NALF1: variants seen among roughly 807,000 people sequenced by gnomAD.
NALF1 encodes the protein NALCN channel auxiliary factor 1, also known as family with sequence similarity 155 member A.
In NALF1, 3 loss-of-function variants were observed where a neutral mutation model predicts 48.4. That is an observed-to-expected ratio of 0.06 (90% confidence interval 0.03 to 0.16). The LOEUF (loss-of-function observed/expected upper bound fraction) is 0.16, where lower values mean the gene tolerates loss of function less well. NALF1 is among the 10% of genes least tolerant of loss of function. The pLI is 1.00. For missense variants in NALF1, 526 were observed against 571.5 expected, an observed-to-expected ratio of 0.92 and a Z score of 0.81; for synonymous variants, 262 against 245.7, an observed-to-expected ratio of 1.07 and a Z score of -0.62.
chr13:107,595,725 T>G (rs140644460), intron 1 of NALF1, among the ~76,000 whole-genome samples: 1 of 152,156 alleles, frequency 6.6e-6, no homozygotes, highest in Admixed American at 6.6e-5. Context: ...TCTGTGACCA[T>G]GAGTGATGGA....
chr13:107,503,614 G>A (rs1875593738), intron 1 of NALF1, among the ~76,000 whole-genome samples: 1 of 152,076 alleles, frequency 6.6e-6, no homozygotes, highest in South Asian at 2.1e-4. Context: ...ACCCAAAGGA[G>A]ATGAAATTAC....
At chr13:107,374,938 T>C (rs1883311160) in intron 1 of NALF1, among the ~76,000 whole-genome samples, 1 of 152,172 alleles carries the variant, frequency 6.6e-6, no homozygotes, top group South Asian at 2.1e-4. Context: ...CATTATAAAT[T>C]ACCCAGTCTG....
At chr13:107,560,537 T>C (rs72652761) in intron 1 of NALF1, among the ~76,000 whole-genome samples, 28,598 of 152,174 alleles carry the variant, frequency 0.19, 2,906 homozygotes, top group South Asian at 0.29. Context: ...TTAAAGGTTC[T>C]GAACTATATT....
At chr13:107,750,386 T>C (rs899568816) in intron 1 of NALF1, among the ~76,000 whole-genome samples, 2 of 152,190 alleles carry the variant, frequency 1.3e-5, no homozygotes, top group African/African-American at 4.8e-5. Flanking sequence ...ATGTAAACAA[T>C]GTTTAACTCA....
At chr13:107,854,874 A>G (rs1039544526) in intron 1 of NALF1, among the ~76,000 whole-genome samples, 1 of 151,238 alleles carries the variant, frequency 6.6e-6, no homozygotes, top group Non-Finnish European at 1.5e-5. Flanking sequence ...ATCTCAAAAA[A>G]AAAAAAAAAG....
intron 1 of NALF1, among the ~76,000 whole-genome samples, chr13:107,310,381 G>A (rs1166907827): frequency 1.3e-5 from 2 of 148,766 alleles, no homozygotes; most frequent in African/African-American, 5.0e-5. Flanking sequence ...CTGCACTCCA[G>A]CCAGGGAGAC....
intron 1 of NALF1, among the ~76,000 whole-genome samples, chr13:107,601,356 C>G (rs1878920746): frequency 6.6e-6 from 1 of 152,144 alleles, no homozygotes; most frequent in Non-Finnish European, 1.5e-5. Context: ...ATTTTACTCT[C>G]TTTTTAAAAG....
chr13:107,202,693 G>T (rs1254932151), intron 2 of NALF1, among the ~76,000 whole-genome samples: 1 of 152,160 alleles, frequency 6.6e-6, no homozygotes, highest in Non-Finnish European at 1.5e-5. Flanking sequence ...GACGTGTGAT[G>T]TTGAGAAATC....
chr13:107,633,800 A>G (rs951306838), intron 1 of NALF1, among the ~76,000 whole-genome samples: 1 of 147,876 alleles, frequency 6.8e-6, no homozygotes, highest in African/African-American at 2.5e-5. Flanking sequence ...TATTCTATAT[A>G]TATGGATATA....
chr13:107,793,462 CA>C (rs1333026433), intron 1 of NALF1, among the ~76,000 whole-genome samples: 1 of 152,092 alleles, frequency 6.6e-6, no homozygotes, highest in African/African-American at 2.4e-5. Context: ...TCCACACACC[CA>C]ATACCATGCA....
Position 107,380,023 on chromosome 13 carries a change from G to T in NALF1, c.916-169268C>A, listed in dbSNP as rs565203110. Among the ~76,000 whole-genome samples the T allele has an allele frequency of 9.2e-5, 14 of 152,254 alleles. No individual in the cohort carries two copies. The South Asian group carries it at 2.7e-3, about 29-fold the overall frequency. ...TAACTGTTATTGAGTTCGAAGAAAA[G>T]AAAGTTCTACACAAGCCAAGAAGTT... On this transcript the variant is annotated intron_variant, in intron 1 of 2. Coordinates refer to ENST00000375915, the MANE Select transcript of NALF1 (RefSeq NM_001080396.3).
intron 1 of NALF1, among the ~76,000 whole-genome samples, chr13:107,861,966 G>T: frequency 6.6e-6 from 1 of 152,000 alleles, no homozygotes; most frequent in South Asian, 2.1e-4. Context: ...GTATCCTTTT[G>T]GTCATAGTCT....
At chr13:107,302,585 T>C (rs563210416) in intron 1 of NALF1, among the ~76,000 whole-genome samples, 1 of 152,194 alleles carries the variant, frequency 6.6e-6, no homozygotes, top group East Asian at 1.9e-4. Flanking sequence ...GGGGAAAATA[T>C]CAGTTTAGCA....
intron 1 of NALF1, among the ~76,000 whole-genome samples, chr13:107,583,165 T>C (rs1349277535): frequency 2.0e-5 from 3 of 152,052 alleles, no homozygotes; most frequent in Non-Finnish European, 4.4e-5. Flanking sequence ...CTGAATTTGA[T>C]AGATAAGACA....
rs545043576 is a variant in NALF1, at chr13:107,214,068, C to T, written c.916-3313G>A. ...TACAATGAGCTATCTTCAAATGTGC[C>T]GAGTTCTCTAGAGCTAGAAAAATTC... On this transcript the variant is annotated intron_variant, in intron 1 of 2. Transcript: ENST00000375915. Among the ~76,000 whole-genome samples the T allele has an allele frequency of 1.5e-4, 23 of 152,278 alleles. 1 individual carries two copies. The South Asian group carries it at 3.5e-3, about 23-fold the overall frequency.
chr13:107,575,310 G>T (rs1002188640), intron 1 of NALF1, among the ~76,000 whole-genome samples: 1 of 152,132 alleles, frequency 6.6e-6, no homozygotes, highest in Non-Finnish European at 1.5e-5. Flanking sequence ...CACTCAATTT[G>T]CATTTAAAAA....
intron 1 of NALF1, among the ~76,000 whole-genome samples, chr13:107,765,968 CT>C (rs1236091111): frequency 6.6e-6 from 1 of 151,850 alleles, no homozygotes; most frequent in Admixed American, 6.6e-5. Flanking sequence ...ACATTGCTCT[CT>C]TTTTAAAAAA....
At chr13:107,343,492 C>G (rs1420709041) in intron 1 of NALF1, among the ~76,000 whole-genome samples, 1 of 152,070 alleles carries the variant, frequency 6.6e-6, no homozygotes, top group Non-Finnish European at 1.5e-5. Context: ...AATTCTCTCT[C>G]TTTTCCTGCT....
chr13:107,667,997 A>C (rs1251582159), intron 1 of NALF1, among the ~76,000 whole-genome samples: 1 of 152,128 alleles, frequency 6.6e-6, no homozygotes, highest in African/African-American at 2.4e-5. Flanking sequence ...TTACAATGGA[A>C]AAATATGTGT....
Sources: allele counts gnomAD v4.1 joint callset (sites outside exome capture counted in the v4.1 genomes callset), GRCh38; gene constraint gnomAD v4.1.1; transcripts MANE v1.5; gene names NCBI Gene and HGNC (gene_info 2026-07-23, HGNC 2026-07-21).